OR5AP2: variants seen among roughly 807,000 people sequenced by gnomAD.
The protein encoded by OR5AP2 is olfactory receptor family 5 subfamily AP member 2, also known as olfactory receptor 5AP2.
For missense variants in OR5AP2, 409 were observed against 378.9 expected (o/e 1.08, Z -0.66); for synonymous variants, 142 against 140.8 (o/e 1.01, Z -0.06).
In OR5AP2 at chr11:56,642,431, A is replaced by G; in HGVS notation, c.9T>C (p.Leu3=). MR[L]MKEVRGRNQT... ...GATTTCTGCCTCGAACCTCTTTCAT[A>G]AGTCTCATCATTTGAGCTGCAATAA... is the stretch of plus-strand genomic sequence containing the variant. The change falls in exon 1 of 1, where the codon CTT becomes CTC. Residue 3 remains leucine (L), a synonymous_variant. Coordinates refer to ENST00000544374, the MANE Select transcript of OR5AP2 (RefSeq NM_001002925.1). 1 of 1,590,382 alleles carries G rather than the reference A, an allele frequency of 6.3e-7. No individual in the cohort carries two copies. Among genetic ancestry groups the G allele is most frequent in the Non-Finnish European group, 8.5e-7 (1 of 1,172,494 alleles).
rs758372955 is a variant in OR5AP2 at position 56,641,596 on chromosome 11, C to CA, written c.843dup (p.Val282CysfsTer16). The CA allele has an allele frequency of 4.3e-5, 69 of 1,613,304 alleles. 1 individual carries two copies. The highest frequency in any genetic ancestry group is 5.6e-5 in the Non-Finnish European group (66 of 1,179,550). On this transcript the variant is annotated frameshift_variant, in exon 1 of 1. Coordinates refer to ENST00000544374, the MANE Select transcript of OR5AP2 (RefSeq NM_001002925.1). LOFTEE classifies it high-confidence loss of function. ...ACAGGGATTATTACTGTATAAAAGA[C>CA]AGAGACAACCTTGTCTTGCTCCATT...
At position 56,642,128 on chromosome 11, in the gene OR5AP2, A is replaced by C; in HGVS notation, c.312T>G (p.Ala104=). Reference sequence around the variant, plus strand: ...AGGAGCCAAAGAAGTAGAACTGGGCAGCACATCCATGAAAAGAAATGGCCT... The same window carrying C: ...AGGAGCCAAAGAAGTAGAACTGGGCCGCACATCCATGAAAAGAAATGGCCT... ...ENKAISFHGC[A]AQFYFFGSFL... The change falls in exon 1 of 1, where the codon GCT becomes GCG. Residue 104 remains alanine, a synonymous_variant. Coordinates refer to ENST00000544374, the MANE Select transcript of OR5AP2 (RefSeq NM_001002925.1). The C allele has an allele frequency of 6.2e-7, 1 of 1,614,182 alleles. No homozygotes were observed. The highest frequency in any genetic ancestry group is 8.5e-7 in the Non-Finnish European group (1 of 1,180,026).
In OR5AP2 at chr11:56,641,802, AC is replaced by A; in HGVS notation, c.637del (p.Val213SerfsTer6). On this transcript the variant is annotated frameshift_variant, in exon 1 of 1. Transcript: ENST00000544374. LOFTEE classifies it high-confidence loss of function. ...GAGGACAATCATAACACAGCTGATG[AC>A]AATAAAACTTGAGAATGCCATGATC... Reference protein sequence around the residue: ...IVIMAFSSFIVISCVMIVLIS... With the variant: ...IVIMAFSSFIXISCVMIVLIS... The A allele has an allele frequency of 6.2e-7, 1 of 1,614,232 alleles. No individual in the cohort carries two copies. Among genetic ancestry groups the A allele is most frequent in the Non-Finnish European group, 8.5e-7 (1 of 1,180,042 alleles).
In OR5AP2 at chr11:56,641,576, G is replaced by A. The variant is rs573585444; in HGVS notation, c.864C>T (p.Ile288=). 1 of 1,613,082 alleles carries A rather than the reference G, an allele frequency of 6.2e-7. No individual in the cohort carries two copies. ...KVVSVFYTVI[I]PVLNPLIYSL... is the part of the protein sequence containing the mutation. The stretch of plus-strand genomic sequence containing the variant: ...TATAGATGAGGGGATTTAGCACAGG[G>A]ATTATTACTGTATAAAAGACAGAGA... The change falls in exon 1 of 1, where the codon ATC becomes ATT. Residue 288 remains isoleucine (I), a synonymous_variant. Coordinates refer to ENST00000544374, the MANE Select transcript of OR5AP2 (RefSeq NM_001002925.1).
At position 56,642,027 on chromosome 11, in the gene OR5AP2, T is replaced by G; in HGVS notation, c.413A>C (p.Tyr138Ser). 6.2e-7 allele frequency: 1 copy of G among 1,614,048 alleles called. No homozygotes were observed. The highest frequency in any genetic ancestry group is 8.5e-7 in the Non-Finnish European group (1 of 1,180,018). Residue 138 changes from tyrosine (Y) to serine (S), a missense_variant, in exon 1 of 1, where the codon TAC becomes TCC. Coordinates refer to ENST00000544374, the MANE Select transcript of OR5AP2 (RefSeq NM_001002925.1). ...RYAAIWNPLL[Y>S]PVLVSGRICF... is the part of the protein sequence containing the mutation. ...AATTCTCCCAGACACGAGAACTGGG[T>G]AGAGCAGGGGGTTCCAAATGGCTGC... is the stretch of plus-strand genomic sequence containing the variant.
At position 56,641,961 on chromosome 11, in the gene OR5AP2, C is replaced by A. The variant is rs1857009493; in HGVS notation, c.479G>T (p.Gly160Val). 8 of 1,614,166 alleles carry A rather than the reference C, an allele frequency of 5.0e-6. No homozygotes were observed. The highest frequency in any genetic ancestry group is 6.8e-6 in the Non-Finnish European group (8 of 1,180,024). The change falls in exon 1 of 1, where the codon GGA becomes GTA. Residue 160 changes from glycine (G) to valine (V), a missense_variant. Gly to Val is a moderately radical substitution (Grantham distance 109, BLOSUM62 -3). Transcript: ENST00000544374. ...LIATSFLAGCGNAAIHTGMTF... is the reference protein window; with the variant it reads ...LIATSFLAGCVNAAIHTGMTF... ...CATCCCTGTATGTATGGCTGCATTT[C>A]CACAACCTGCTAAGAAGGAGGTAGC...
In OR5AP2 at chr11:56,641,640, C is replaced by G; in HGVS notation, c.800G>C (p.Arg267Pro). 6.2e-7 allele frequency: 1 copy of G among 1,613,980 alleles called. No individual in the cohort carries two copies. The highest frequency in any genetic ancestry group is 8.5e-7 in the Non-Finnish European group (1 of 1,179,996). Residue 267 changes from arginine to proline, a missense_variant, in exon 1 of 1, where the codon CGC becomes CCC. Coordinates refer to ENST00000544374, the MANE Select transcript of OR5AP2 (RefSeq NM_001002925.1). The stretch of plus-strand genomic sequence containing the variant: ...CTCCATTGAGTAGCTAGATGTAGGG[C>G]GCAAGTACATGAAGAGGATTGTTCC... The part of the protein sequence containing the change: ...FFGTILFMYL[R>P]PTSSYSMEQD...
At position 56,641,832 on chromosome 11, in the gene OR5AP2, A is replaced by G. The variant is rs1283175300; in HGVS notation, c.608T>C (p.Ile203Thr). Residue 203 changes from isoleucine (I) to threonine (T), a missense_variant, in exon 1 of 1, where the codon ATT (isoleucine) becomes ACT (threonine). By Grantham distance (89) the Ile-to-Thr change is moderately conservative (BLOSUM62 -1). Coordinates refer to ENST00000544374, the MANE Select transcript of OR5AP2 (RefSeq NM_001002925.1). ...LSCSDTHFNG[I>T]VIMAFSSFIV... ...AAAACTTGAGAATGCCATGATCACAATGCCATTGAAGTGGGTATCAGAGCA... is the reference window on the plus strand; with the variant it reads ...AAAACTTGAGAATGCCATGATCACAGTGCCATTGAAGTGGGTATCAGAGCA... 2 of 1,614,208 alleles carry G rather than the reference A, an allele frequency of 1.2e-6. No homozygotes were observed. The highest frequency in any genetic ancestry group is 3.3e-5 in the Admixed American group (2 of 60,026).
chr11:56,642,360 G>A lies in OR5AP2; in HGVS notation c.80C>T (p.Pro27Leu). Residue 27 changes from proline (P) to leucine (L), a missense_variant, in exon 1 of 1, where the codon CCA (proline) becomes CTA (leucine). By Grantham distance (98) the Pro-to-Leu change is moderately conservative (BLOSUM62 -3). Coordinates refer to ENST00000544374, the MANE Select transcript of OR5AP2 (RefSeq NM_001002925.1). ...EFLLLGLSDN[P>L]DLQGVLFALF... ...TGCAAAGAGGACTCCTTGTAGATCT[G>A]GATTGTCGGAAAGTCCTAAGAGGAG... 1 of 1,611,008 alleles carries A rather than the reference G, an allele frequency of 6.2e-7. No homozygotes were observed. The highest frequency in any genetic ancestry group is 8.5e-7 in the Non-Finnish European group (1 of 1,179,886).
Position 56,642,044 on chromosome 11 carries a change from A to C in OR5AP2, c.396T>G (p.Ile132Met). 6.2e-7 allele frequency: 1 copy of C among 1,614,172 alleles called. No individual in the cohort carries two copies. Among genetic ancestry groups the C allele is most frequent in the Non-Finnish European group, 8.5e-7 (1 of 1,180,038 alleles). The change falls in exon 1 of 1, where the codon ATT (isoleucine) becomes ATG (methionine). Residue 132 changes from isoleucine (I) to methionine (M), a missense_variant. Physicochemically the swap from Ile to Met is conservative, Grantham distance 10. Coordinates refer to ENST00000544374, the MANE Select transcript of OR5AP2 (RefSeq NM_001002925.1). ...AMMAYDRYAA[I>M]WNPLLYPVLV... is the part of the protein sequence containing the mutation. ...GAACTGGGTAGAGCAGGGGGTTCCA[A>C]ATGGCTGCATAGCGGTCATATGCCA...
chr11:56,642,177 A>G lies in OR5AP2; in HGVS notation c.263T>C (p.Leu88Pro). Residue 88 changes from leucine (L) to proline (P), a missense_variant, in exon 1 of 1, where the codon CTG (leucine) becomes CCG (proline). Coordinates refer to ENST00000544374, the MANE Select transcript of OR5AP2 (RefSeq NM_001002925.1). The part of the protein sequence containing the change: ...SYSSSVTPKM[L>P]VNLMAENKAI... ...CTTATTCTCAGCCATGAGGTTCACCAGCATCTTGGGAGTGACGGAAGAAGA... is the reference window on the plus strand; with the variant it reads ...CTTATTCTCAGCCATGAGGTTCACCGGCATCTTGGGAGTGACGGAAGAAGA... 6.2e-7 allele frequency: 1 copy of G among 1,614,240 alleles called. No individual in the cohort carries two copies. Among genetic ancestry groups the G allele is most frequent in the Non-Finnish European group, 8.5e-7 (1 of 1,180,038 alleles).
chr11:56,642,389 T>C lies in OR5AP2; in HGVS notation c.51A>G (p.Glu17=). Residue 17 remains glutamate (E), a synonymous_variant, in exon 1 of 1, where the codon GAA becomes GAG. Coordinates refer to ENST00000544374, the MANE Select transcript of OR5AP2 (RefSeq NM_001002925.1). ...TGTCGGAAAGTCCTAAGAGGAGAAATTCTGTTACTTCTGTTTGATTTCTGC... is the reference window on the plus strand; with the variant it reads ...TGTCGGAAAGTCCTAAGAGGAGAAACTCTGTTACTTCTGTTTGATTTCTGC... ...VRGRNQTEVT[E]FLLLGLSDNP... 1 of 1,606,272 alleles carries C rather than the reference T, an allele frequency of 6.2e-7. No individual in the cohort carries two copies. The highest frequency in any genetic ancestry group is 8.5e-7 in the Non-Finnish European group (1 of 1,179,542).
In OR5AP2 at chr11:56,641,897, G is replaced by T. The variant is rs773036926; in HGVS notation, c.543C>A (p.Asn181Lys). 2 of 1,614,234 alleles carry T rather than the reference G, an allele frequency of 1.2e-6. No homozygotes were observed. The highest frequency in any genetic ancestry group is 1.7e-6 in the Non-Finnish European group (2 of 1,180,054). Residue 181 changes from asparagine (N) to lysine (K), a missense_variant, in exon 1 of 1, where the codon AAC (asparagine) becomes AAA (lysine). Physicochemically the swap from Asn to Lys is moderately conservative, Grantham distance 94. Transcript: ENST00000544374. ...GTGGCGGGGTGTCACAGTAGAAATG[G>T]TTGATCCTATTAGAACCACAAAAGG... ...RLSFCGSNRINHFYCDTPPLL... is the reference protein window; with the variant it reads ...RLSFCGSNRIKHFYCDTPPLL...
chr11:56,641,970 G>A lies in OR5AP2; in HGVS notation c.470C>T (p.Ala157Val). The change falls in exon 1 of 1, where the codon GCA becomes GTA. Residue 157 changes from alanine (A) to valine (V), a missense_variant. Physicochemically the swap from Ala to Val is moderately conservative, Grantham distance 64. Transcript: ENST00000544374. ...ATGTATGGCTGCATTTCCACAACCT[G>A]CTAAGAAGGAGGTAGCTATTAGCAA... ...CFLLIATSFL[A>V]GCGNAAIHTG... The A allele has an allele frequency of 6.2e-7, 1 of 1,614,060 alleles. No individual in the cohort carries two copies. Among genetic ancestry groups the A allele is most frequent in the African/African-American group, 1.3e-5 (1 of 75,036 alleles).
Position 56,642,230 on chromosome 11 carries a change from A to C in OR5AP2, c.210T>G (p.Ser70Arg), listed in dbSNP as rs141065914. 1 of 1,614,174 alleles carries C rather than the reference A, an allele frequency of 6.2e-7. No individual in the cohort carries two copies. Among genetic ancestry groups the C allele is most frequent in the Non-Finnish European group, 8.5e-7 (1 of 1,179,988 alleles). ...AAGAGGCATCTACAAAAGAGAGGCT[A>C]CTGAGAAAGAAATACATGGGGGTGT... ...CLHTPMYFFL[S>R]SLSFVDASYS... is the part of the protein sequence containing the mutation. The change falls in exon 1 of 1, where the codon AGT becomes AGG. Residue 70 changes from serine (S) to arginine (R), a missense_variant. By Grantham distance (110) the Ser-to-Arg change is moderately radical. Transcript: ENST00000544374.
Position 56,642,429 on chromosome 11 carries a change from A to G in OR5AP2, c.11T>C (p.Met4Thr), listed in dbSNP as rs1857014912. 2 of 1,592,920 alleles carry G rather than the reference A, an allele frequency of 1.3e-6. No homozygotes were observed. The highest frequency in any genetic ancestry group is 1.3e-5 in the African/African-American group (1 of 74,818). Reference protein sequence around the residue: MRLMKEVRGRNQTE... With the variant: MRLTKEVRGRNQTE... ...TTGATTTCTGCCTCGAACCTCTTTC[A>G]TAAGTCTCATCATTTGAGCTGCAAT... Residue 4 changes from methionine (M) to threonine (T), a missense_variant, in exon 1 of 1, where the codon ATG (methionine) becomes ACG (threonine). Transcript: ENST00000544374.
At position 56,641,824 on chromosome 11, in the gene OR5AP2, T is replaced by G. The variant is rs762915059; in HGVS notation, c.616A>C (p.Met206Leu). ...ATGACAATAAAACTTGAGAATGCCATGATCACAATGCCATTGAAGTGGGTA... is the reference window on the plus strand; with the variant it reads ...ATGACAATAAAACTTGAGAATGCCAGGATCACAATGCCATTGAAGTGGGTA... The part of the protein sequence containing the change: ...SDTHFNGIVI[M>L]AFSSFIVISC... The change falls in exon 1 of 1, where the codon ATG becomes CTG. Residue 206 changes from methionine (M) to leucine (L), a missense_variant. Coordinates refer to ENST00000544374, the MANE Select transcript of OR5AP2 (RefSeq NM_001002925.1). The G allele has an allele frequency of 2.5e-6, 4 of 1,614,176 alleles. No homozygotes were observed. In the East Asian group the frequency reaches 8.9e-5, roughly 36 times the overall value.
In OR5AP2 at chr11:56,641,801, G is replaced by A. The variant is rs1857007538; in HGVS notation, c.639C>T (p.Val213=). The change falls in exon 1 of 1, where the codon GTC becomes GTT. Residue 213 remains valine (V), a synonymous_variant. Coordinates refer to ENST00000544374, the MANE Select transcript of OR5AP2 (RefSeq NM_001002925.1). ...TGAGGACAATCATAACACAGCTGATGACAATAAAACTTGAGAATGCCATGA... is the reference window on the plus strand; with the variant it reads ...TGAGGACAATCATAACACAGCTGATAACAATAAAACTTGAGAATGCCATGA... ...IVIMAFSSFI[V]ISCVMIVLIS... is the part of the protein sequence containing the mutation. 3 of 1,614,064 alleles carry A rather than the reference G, an allele frequency of 1.9e-6. No individual in the cohort carries two copies. Among genetic ancestry groups the A allele is most frequent in the Non-Finnish European group, 2.5e-6 (3 of 1,180,038 alleles).
rs1005616289 is a variant in OR5AP2, at chr11:56,642,164, C to T, written c.276G>A (p.Met92Ile). ...SVTPKMLVNL[M>I]AENKAISFHG... ...GAAAAGAAATGGCCTTATTCTCAGC[C>T]ATGAGGTTCACCAGCATCTTGGGAG... The change falls in exon 1 of 1, where the codon ATG (methionine) becomes ATA (isoleucine). Residue 92 changes from methionine (M) to isoleucine (I), a missense_variant. Coordinates refer to ENST00000544374, the MANE Select transcript of OR5AP2 (RefSeq NM_001002925.1). The T allele has an allele frequency of 6.2e-7, 1 of 1,614,160 alleles. No homozygotes were observed. The highest frequency in any genetic ancestry group is 8.5e-7 in the Non-Finnish European group (1 of 1,180,020).
Sources: allele counts gnomAD v4.1 joint callset, GRCh38; gene constraint gnomAD v4.1.1; transcripts MANE v1.5; gene names NCBI Gene and HGNC (gene_info 2026-07-23, HGNC 2026-07-21).